PRIM2: variants seen among roughly 807,000 people sequenced by gnomAD.
The protein encoded by PRIM2 is DNA primase large subunit.
A neutral mutation model predicts 67.3 loss-of-function variants in PRIM2; 39 were observed. That is an observed-to-expected ratio of 0.58 (90% CI 0.45 to 0.76). The LOEUF is 0.76. Ranked by LOEUF, PRIM2 falls within the 30% of genes least tolerant of loss-of-function variation. PRIM2 has a pLI of 0.00. For missense variants in PRIM2, 398 were observed against 598.7 expected (o/e 0.66, Z 3.50); for synonymous variants, 143 against 198.7 (o/e 0.72, Z 2.36).
At chr6:57,407,425 T>C (rs1770927623) in intron 7 of PRIM2, among the ~76,000 whole-genome samples, 1 of 152,084 alleles carries the variant, frequency 6.6e-6, no homozygotes, top group African/African-American at 2.4e-5. Context: ...ATTTTTTTTT[T>C]CACTTAAATG....
the PRIM2 span, among the ~76,000 whole-genome samples, chr6:57,300,433 G>T: frequency 6.6e-6 from 1 of 152,094 alleles, no homozygotes; most frequent in African/African-American, 2.4e-5. Context: ...TCGTGTGCCT[G>T]TATGAGCTCG....
At chr6:57,240,098 T>TGTTTTG in the PRIM2 span, among the ~76,000 whole-genome samples, 1 of 75,814 alleles carries the variant, frequency 1.3e-5, no homozygotes, top group Non-Finnish European at 3.2e-5. Context: ...TCTGTTTTTT[T>TGTTTTG]TTTTTTTTTT....
chr6:57,570,917 C>T (rs1407610234), intron 10 of PRIM2, among the ~76,000 whole-genome samples: 9 of 152,082 alleles, frequency 5.9e-5, no homozygotes, highest in African/African-American at 1.4e-4. Context: ...TTAAAGTTAC[C>T]ATGAAATTGG....
chr6:57,460,737 C>G (rs1772977538), intron 7 of PRIM2, among the ~76,000 whole-genome samples: 1 of 151,988 alleles, frequency 6.6e-6, no homozygotes, highest in African/African-American at 2.4e-5. Flanking sequence ...AAGACTACTT[C>G]TAAGCTGTGT....
intron 7 of PRIM2, among the ~76,000 whole-genome samples, chr6:57,462,551 G>T (rs1357672625): frequency 6.6e-6 from 1 of 152,158 alleles, no homozygotes; most frequent in Non-Finnish European, 1.5e-5. Flanking sequence ...TTTGGTCAGG[G>T]GTTATGTAGG....
chr6:57,482,502 G>C (rs1357640335), intron 7 of PRIM2, among the ~76,000 whole-genome samples: 5 of 152,128 alleles, frequency 3.3e-5, no homozygotes, highest in Non-Finnish European at 7.3e-5. Context: ...AGGTGCTGAG[G>C]GCAGTTTCAG....
chr6:57,314,226 C>G (rs1767437979), upstream of PRIM2, among the ~76,000 whole-genome samples: 1 of 152,154 alleles, frequency 6.6e-6, no homozygotes, highest in African/African-American at 2.4e-5. Context: ...TTCAACAATT[C>G]AGTATGGGCT....
At chr6:57,376,541 T>A (rs1769771006) in intron 5 of PRIM2, among the ~76,000 whole-genome samples, 1 of 152,240 alleles carries the variant, frequency 6.6e-6, no homozygotes, top group Non-Finnish European at 1.5e-5. Flanking sequence ...GCCCTTTGCA[T>A]GTTCATGTAC....
At chr6:57,558,288 T>C (rs1775557659) in intron 10 of PRIM2, among the ~76,000 whole-genome samples, 2 of 152,116 alleles carry the variant, frequency 1.3e-5, no homozygotes, top group East Asian at 3.9e-4. Flanking sequence ...ACGTAGAAAG[T>C]AGTAAGCATA....
intron 7 of PRIM2, among the ~76,000 whole-genome samples, chr6:57,479,156 A>T (rs1180738823): frequency 6.6e-6 from 1 of 152,228 alleles, no homozygotes; most frequent in East Asian, 1.9e-4. Flanking sequence ...AAAAAAAGAA[A>T]AAAGGATTTA....
chr6:57,496,012 C>T (rs1389384163), intron 7 of PRIM2, among the ~76,000 whole-genome samples: 1 of 152,156 alleles, frequency 6.6e-6, no homozygotes, highest in Non-Finnish European at 1.5e-5. Context: ...TCCCTAAGTG[C>T]TGGGATTACA....
At chr6:57,604,901 A>C (rs1776531844) in intron 11 of PRIM2, among the ~76,000 whole-genome samples, 1 of 152,166 alleles carries the variant, frequency 6.6e-6, no homozygotes, top group African/African-American at 2.4e-5. Context: ...TGTGTTAGCC[A>C]GGATGATCTT....
intron 5 of PRIM2, among the ~76,000 whole-genome samples, chr6:57,341,323 A>C (rs534150321): frequency 1.3e-5 from 2 of 152,308 alleles, no homozygotes; most frequent in East Asian, 3.9e-4. Flanking sequence ...TATGTTTTTG[A>C]AATATAAACC....
chr6:57,428,725 T>C (rs1434248612), intron 7 of PRIM2, among the ~76,000 whole-genome samples: 4 of 152,158 alleles, frequency 2.6e-5, no homozygotes, highest in Non-Finnish European at 5.9e-5. Context: ...TAAAGAGATA[T>C]TTAAAAACTT....
intron 7 of PRIM2, among the ~76,000 whole-genome samples, chr6:57,471,286 A>C (rs1221184348): frequency 6.6e-6 from 1 of 152,150 alleles, no homozygotes. Flanking sequence ...AGGAGAGCCA[A>C]GGGGAGGGAG....
intron 10 of PRIM2, among the ~76,000 whole-genome samples, chr6:57,586,722 C>T (rs1437047879): frequency 2.6e-5 from 4 of 152,084 alleles, no homozygotes; most frequent in African/African-American, 7.2e-5. Flanking sequence ...CAGTCTGTGG[C>T]GTTATGGGAA....
chr6:57,339,526 G>C (rs1054043502), intron 5 of PRIM2, among the ~76,000 whole-genome samples: 5 of 152,128 alleles, frequency 3.3e-5, no homozygotes, highest in African/African-American at 1.2e-4. Context: ...CAATGGAACA[G>C]AACAGAGCCC....
intron 5 of PRIM2, among the ~76,000 whole-genome samples, chr6:57,357,550 T>C (rs1056391885): frequency 6.6e-6 from 1 of 152,158 alleles, no homozygotes; most frequent in African/African-American, 2.4e-5. Context: ...CAGTTTTCTT[T>C]CTGGGACATT....
chr6:57,520,817 C>T (rs1774599896), intron 8 of PRIM2, among the ~76,000 whole-genome samples: 2 of 152,040 alleles, frequency 1.3e-5, no homozygotes, highest in Non-Finnish European at 2.9e-5. Flanking sequence ...AAAATATGGG[C>T]CACATGGGGA....
Sources: allele counts gnomAD v4.1 joint callset (sites outside exome capture counted in the v4.1 genomes callset), GRCh38; gene constraint gnomAD v4.1.1; transcripts MANE v1.5; gene names NCBI Gene and HGNC (gene_info 2026-07-23, HGNC 2026-07-21).